Variants in MAF observed in about 807,000 individuals in gnomAD.
MAF encodes the protein transcription factor Maf.
MAF carries 10 observed loss-of-function variants against 22.0 expected under a neutral mutation model. The ratio of observed to expected loss-of-function variants is 0.45; its 90% CI spans 0.28 to 0.77. The LOEUF (loss-of-function observed/expected upper bound fraction) is 0.77. Among genes scored for constraint, MAF ranks in the 30% least tolerant of loss-of-function variants. The probability of loss-of-function intolerance (pLI) is 0.12; values close to 1 mark genes in which losing one functional copy is unlikely to be tolerated. For missense variants in MAF, 544 were observed against 548.4 expected, an observed-to-expected ratio of 0.99 and a Z score of 0.08; for synonymous variants, 337 against 255.8, an observed-to-expected ratio of 1.32 and a Z score of -3.03.
chr16:79,372,157 G>C, the MAF span, among the ~76,000 whole-genome samples: 1 of 150,546 alleles, frequency 6.6e-6, no homozygotes. Context: ...TGGCCTCTGG[G>C]TTCCAGATGG....
the MAF span, among the ~76,000 whole-genome samples, chr16:79,289,657 G>A: frequency 7.4e-3 from 1,119 of 152,198 alleles, 15 homozygotes; most frequent in African/African-American, 0.025. Flanking sequence ...TTGCAAAGCA[G>A]CCTGAATGGG....
At chr16:79,320,138 T>A in the MAF span, among the ~76,000 whole-genome samples, 1 of 152,118 alleles carries the variant, frequency 6.6e-6, no homozygotes, top group Admixed American at 6.5e-5. Flanking sequence ...AGAACCCATG[T>A]CCAGGAGAGT....
chr16:79,389,715 G>A, the MAF span, among the ~76,000 whole-genome samples: 4 of 152,056 alleles, frequency 2.6e-5, no homozygotes, highest in South Asian at 4.2e-4. Flanking sequence ...GGTGGCTCAC[G>A]CCTGTAATCC....
the MAF span, among the ~76,000 whole-genome samples, chr16:79,505,970 G>A: frequency 1.2e-3 from 189 of 151,976 alleles, no homozygotes; most frequent in Non-Finnish European, 2.1e-3. Context: ...AAAGAAAATA[G>A]AGAAGGAGCA....
chr16:79,550,986 G>A, the MAF span, among the ~76,000 whole-genome samples: 1 of 152,030 alleles, frequency 6.6e-6, no homozygotes, highest in Non-Finnish European at 1.5e-5. Context: ...AGGCCCCCGT[G>A]GCCTCACAGA....
At chr16:79,275,833 G>A in the MAF span, among the ~76,000 whole-genome samples, 1 of 152,100 alleles carries the variant, frequency 6.6e-6, no homozygotes, top group East Asian at 1.9e-4. Flanking sequence ...ACCATGTATT[G>A]ATTGAAAAAT....
chr16:79,211,576 A>T, the MAF span: 69 of 1,607,852 alleles, frequency 4.3e-5, no homozygotes, highest in Non-Finnish European at 5.0e-5. Context: ...TTTTCTTAAA[A>T]TTTTTTTTTG....
At chr16:79,581,789 A>G (rs1912535923), downstream of MAF, among the ~76,000 whole-genome samples, 1 of 152,186 alleles carries the variant, frequency 6.6e-6, no homozygotes, top group South Asian at 2.1e-4. Flanking sequence ...ATTAAGTTGT[A>G]CAATGCACCC....
the MAF span, among the ~76,000 whole-genome samples, chr16:79,576,285 T>G: frequency 6.6e-6 from 1 of 150,562 alleles, no homozygotes; most frequent in Non-Finnish European, 1.5e-5. Flanking sequence ...GCAACCATTT[T>G]TCAAAAGTGC....
the MAF span, among the ~76,000 whole-genome samples, chr16:79,223,685 C>G: frequency 9.2e-5 from 14 of 152,286 alleles, no homozygotes; most frequent in South Asian, 4.1e-4. Context: ...GATATCACCA[C>G]TGATCTCACA....
chr16:79,421,773 CTTTTG>C, the MAF span, among the ~76,000 whole-genome samples: 1 of 151,516 alleles, frequency 6.6e-6, no homozygotes, highest in Non-Finnish European at 1.5e-5. Flanking sequence ...GTAGTGAATT[CTTTTG>C]TTTTGTTTTT....
the MAF span, among the ~76,000 whole-genome samples, chr16:79,462,023 T>A: frequency 6.6e-6 from 1 of 151,930 alleles, no homozygotes. Flanking sequence ...GCAAATGGAG[T>A]CTCTACTTTC....
chr16:79,468,214 G>A, the MAF span, among the ~76,000 whole-genome samples: 1 of 152,146 alleles, frequency 6.6e-6, no homozygotes, highest in Non-Finnish European at 1.5e-5. Context: ...AGGTGAAATG[G>A]GGTGAGCTCC....
At chr16:79,251,571 C>T in the MAF span, among the ~76,000 whole-genome samples, 1 of 150,550 alleles carries the variant, frequency 6.6e-6, no homozygotes, top group South Asian at 2.1e-4. Flanking sequence ...TTCGCCTCGG[C>T]CTCCCAAAGT....
At chr16:79,399,098 T>C in the MAF span, among the ~76,000 whole-genome samples, 5 of 152,210 alleles carry the variant, frequency 3.3e-5, no homozygotes, top group African/African-American at 1.2e-4. Flanking sequence ...CCCTGTGACG[T>C]TGAGAGGCAG....
the MAF span, among the ~76,000 whole-genome samples, chr16:79,421,162 A>G: frequency 6.6e-6 from 1 of 152,208 alleles, no homozygotes; most frequent in Non-Finnish European, 1.5e-5. Flanking sequence ...TATCATAAGT[A>G]TGTACGTACA....
chr16:79,578,561 C>A, the MAF span, among the ~76,000 whole-genome samples: 1 of 151,840 alleles, frequency 6.6e-6, no homozygotes, highest in Non-Finnish European at 1.5e-5. Flanking sequence ...TTGAAAAAAA[C>A]AGACATGGAA....
chr16:79,305,947 G>C, the MAF span, among the ~76,000 whole-genome samples: 1 of 152,218 alleles, frequency 6.6e-6, no homozygotes, highest in South Asian at 2.1e-4. Flanking sequence ...TAGACCCTGG[G>C]CTCCAGCAAC....
the MAF span, among the ~76,000 whole-genome samples, chr16:79,520,668 G>C: frequency 3.2e-4 from 49 of 152,174 alleles, no homozygotes; most frequent in Non-Finnish European, 8.8e-5. Flanking sequence ...AAAAGCACTG[G>C]CTTTGGGGCA....
Sources: allele counts gnomAD v4.1 joint callset (sites outside exome capture counted in the v4.1 genomes callset), GRCh38; gene constraint gnomAD v4.1.1; transcripts MANE v1.5; gene names NCBI Gene and HGNC (gene_info 2026-07-23, HGNC 2026-07-21).